SIN3B: variants seen among roughly 807,000 people sequenced by gnomAD.
The protein encoded by SIN3B is paired amphipathic helix protein Sin3b.
Under a neutral mutation model 120.2 loss-of-function variants are expected in SIN3B, and 19 were observed. That is an observed-to-expected ratio of 0.16 (90% CI 0.11 to 0.23). SIN3B has a LOEUF of 0.23. Ranked by LOEUF, SIN3B falls within the 10% of genes least tolerant of loss-of-function variation. The pLI, the probability that SIN3B is intolerant of heterozygous loss-of-function variation, is 1.00. For missense variants in SIN3B, 1,073 were observed against 1,573.0 expected (o/e 0.68, Z 5.38); for synonymous variants, 654 against 653.2 (o/e 1.00, Z -0.02).
intron 8 of SIN3B, among the ~76,000 whole-genome samples, chr19:16,856,306 T>TA (rs1172148438): frequency 6.6e-6 from 1 of 152,116 alleles, no homozygotes; most frequent in Non-Finnish European, 1.5e-5. Flanking sequence ...CCAGTGTTGC[T>TA]TCCTGCACAT....
Position 16,837,438 on chromosome 19 carries a change from C to G in SIN3B, c.382-4330C>G, listed in dbSNP as rs192120535. ...AGAGGATGGTGACAAGGACCAGAGA[C>G]AATTCCCAAGTGATGAGGACAGAAT... On this transcript the variant is annotated intron_variant, in intron 3 of 18. Coordinates refer to ENST00000248054, the MANE Select transcript of SIN3B (RefSeq NM_001297595.2). Among the ~76,000 whole-genome samples, 759 of 150,628 alleles carry G rather than the reference C, an allele frequency of 5.0e-3. 5 individuals are homozygous for G. Among genetic ancestry groups the G allele is most frequent in the Non-Finnish European group, 8.3e-3 (561 of 67,674 alleles).
chr19:16,852,969 G>A (rs963554494), intron 6 of SIN3B, 100 bp from the exon 7 acceptor site: 2 of 936,218 alleles, frequency 2.1e-6, no homozygotes, highest in Non-Finnish European at 1.6e-6. Context: ...AGTTCCCAAA[G>A]GAGAGCACGG....
At chr19:16,869,304 C>G (rs915907063) in intron 12 of SIN3B, among the ~76,000 whole-genome samples, 156 bp from the exon 13 acceptor site, 1 of 152,190 alleles carries the variant, frequency 6.6e-6, no homozygotes, top group African/African-American at 2.4e-5. Context: ...ACCTACCCCC[C>G]AGGCCCTGCT....
rs1407693375 is a variant in SIN3B, at chr19:16,862,481, C to T, written c.1188C>T (p.Arg396=). 1 of 1,614,214 alleles carries T rather than the reference C, an allele frequency of 6.2e-7. No homozygotes were observed. The change falls in exon 9 of 19, where the codon CGC becomes CGT. Residue 396 remains arginine, a synonymous_variant. Coordinates refer to ENST00000248054, the MANE Select transcript of SIN3B (RefSeq NM_001297595.2). This position sits in a 1 kb window ranked among gnomAD's most constrained non-coding sequence, Gnocchi z 4.7. ...AAATTGATTATGCATCCTGCAAGCG[C>T]ATAGGATCCAGCTACCGGGCACTCC... ...SREIDYASCK[R]IGSSYRALPK... is the part of the protein sequence containing the mutation.
chr19:16,857,553 G>GTGTGTGTGTGTGTGTATGTA (rs66778532), intron 8 of SIN3B, among the ~76,000 whole-genome samples: 1 of 139,446 alleles, frequency 7.2e-6, no homozygotes, highest in African/African-American at 2.7e-5. Context: ...GTGTGTGTGT[G>GTGTGTGTGTGTGTGTATGTA]TATATATACA....
In SIN3B at chr19:16,879,123, G is replaced by T. The variant is rs1449293199; in HGVS notation, c.*396G>T. 2 of 231,186 alleles carry T rather than the reference G, an allele frequency of 8.7e-6. No homozygotes were observed. The highest frequency in any genetic ancestry group is 1.7e-5 in the Non-Finnish European group (2 of 118,944). The allele number at this position is 231,186 out of a possible 1,614,324, so 14.3% of individuals were successfully genotyped here. ...CCCTCCTGAGGCCCACACTTTGGAG[G>T]GGGTCCATGTCCAAGAGACCCTGAC... On this transcript the variant is annotated 3_prime_UTR_variant, in exon 19 of 19. Coordinates refer to ENST00000248054, the MANE Select transcript of SIN3B (RefSeq NM_001297595.2).
chr19:16,863,419 G>T, intron 9 of SIN3B: 1 of 545,494 alleles, frequency 1.8e-6, no homozygotes, highest in Non-Finnish European at 3.3e-6. Context: ...GATTCCATTG[G>T]ACATCAGGGA....
At position 16,850,535 on chromosome 19, in the gene SIN3B, A is replaced by G. The variant is rs571504621; in HGVS notation, c.727-877A>G. 2.0e-5 allele frequency among the ~76,000 whole-genome samples: 3 copies of G among 151,926 alleles called. No homozygotes were observed. In the South Asian group the frequency reaches 6.2e-4, roughly 32 times the overall value. ...CATAGTATCTGATCGCTGCGGGCTG[A>G]TTTGTTCAGATGCACCATGACTTGT... On this transcript the variant is annotated intron_variant, in intron 5 of 18. Coordinates refer to ENST00000248054, the MANE Select transcript of SIN3B (RefSeq NM_001297595.2).
At chr19:16,834,006 T>G (rs1051688871) in intron 3 of SIN3B, among the ~76,000 whole-genome samples, 1 of 152,094 alleles carries the variant, frequency 6.6e-6, no homozygotes, top group African/African-American at 2.4e-5. Context: ...ATTACAGGTG[T>G]GAGCCACCGC....
intron 3 of SIN3B, among the ~76,000 whole-genome samples, chr19:16,834,776 A>C: frequency 6.6e-6 from 1 of 152,094 alleles, no homozygotes; most frequent in African/African-American, 2.4e-5. Context: ...GAGATATCCC[A>C]GGTCCAGGCC....
Position 16,878,946 on chromosome 19 carries a change from G to A in SIN3B, c.*219G>A. On this transcript the variant is annotated 3_prime_UTR_variant, in exon 19 of 19. Transcript: ENST00000248054. ...GAGCTACCTGCACCCGAGCCCTGGG[G>A]CTCAGCCCCACCACAGGGGCGGGTG... The A allele has an allele frequency of 1.8e-6, 1 of 567,272 alleles. No individual in the cohort carries two copies. Among genetic ancestry groups the A allele is most frequent in the South Asian group, 2.3e-5 (1 of 44,328 alleles). The allele number at this position is 567,272 out of a possible 1,614,324, so 35.1% of individuals were successfully genotyped here. A position where few individuals can be genotyped will look rare whatever the true frequency, so the allele number is the denominator to read the frequency against.
At chr19:16,836,246 C>T (rs888483763) in intron 3 of SIN3B, among the ~76,000 whole-genome samples, 8 of 152,142 alleles carry the variant, frequency 5.3e-5, no homozygotes, top group Non-Finnish European at 2.9e-5. Context: ...CCCGTGTTGC[C>T]GAGTGTCCCC....
chr19:16,857,553 G>GTGTGTGTGTGTGTGTATATGTA, intron 8 of SIN3B, among the ~76,000 whole-genome samples: 1 of 139,546 alleles, frequency 7.2e-6, no homozygotes, highest in Admixed American at 7.1e-5. Flanking sequence ...GTGTGTGTGT[G>GTGTGTGTGTGTGTGTATATGTA]TATATATACA....
intron 8 of SIN3B, chr19:16,855,103 C>T (rs1338602451): frequency 2.0e-5 from 3 of 152,110 alleles, no homozygotes; most frequent in Non-Finnish European, 2.9e-5. Flanking sequence ...ACACAACCCC[C>T]GTTCTTTCCA....
intron 14 of SIN3B, 124 bp downstream of exon 14, chr19:16,871,522 G>A: frequency 2.3e-6 from 2 of 882,698 alleles, no homozygotes; most frequent in Admixed American, 3.1e-5. Flanking sequence ...TTTCTTAATT[G>A]AGACAAAATT....
Position 16,838,366 on chromosome 19 carries a change from C to CATGA in SIN3B, c.382-3401_382-3398dup, listed in dbSNP as rs907147806. On this transcript the variant is annotated intron_variant, in intron 3 of 18. Transcript: ENST00000248054. ...CTCCTCTCCCCAAGCCCCTGGCAAC[C>CATGA]ATGAGTCTGCTTCCTGTCTTTATGG... 1.7e-3 allele frequency among the ~76,000 whole-genome samples: 260 copies of CATGA among 152,266 alleles called. 1 individual carries two copies. Among genetic ancestry groups the CATGA allele is most frequent in the African/African-American group, 6.0e-3 (248 of 41,538 alleles).
rs142947346 is a variant in SIN3B, at chr19:16,876,210, C to G, written c.2748C>G (p.Ala916=). The G allele has an allele frequency of 4.3e-6, 7 of 1,611,332 alleles. No homozygotes were observed. The South Asian group carries it at 7.7e-5, about 18-fold the overall frequency. The change falls in exon 15 of 19, where the codon GCC becomes GCG. Residue 916 remains alanine (A), a synonymous_variant. Coordinates refer to ENST00000248054, the MANE Select transcript of SIN3B (RefSeq NM_001297595.2). The surrounding 1 kb of genome is among the most constrained non-coding windows in gnomAD (Gnocchi z 7.1). ...SYQWKAERCM[A]DENCFKVMFL... ...AGTGGAAGGCTGAGCGCTGCATGGC[C>G]GACGAGAACTGCTTCAAGGTGAGAG...
intron 3 of SIN3B, among the ~76,000 whole-genome samples, chr19:16,834,389 A>G (rs1971318569): frequency 6.6e-6 from 1 of 152,148 alleles, no homozygotes. Context: ...TCAGGGCTAG[A>G]TCTTGACAGG....
intron 13 of SIN3B, 45 bp from the exon 14 acceptor site, chr19:16,871,184 T>G (rs2051505453): frequency 6.2e-7 from 1 of 1,613,066 alleles, no homozygotes; most frequent in African/African-American, 1.3e-5. Flanking sequence ...TGCGTGACTT[T>G]GCGCTCTCCA....
Sources: allele counts gnomAD v4.1 joint callset (sites outside exome capture counted in the v4.1 genomes callset), GRCh38; gene constraint gnomAD v4.1.1; non-coding constraint Gnocchi (gnomAD v3.1); transcripts MANE v1.5; gene names NCBI Gene and HGNC (gene_info 2026-07-23, HGNC 2026-07-21).